DGKB: variants seen among roughly 807,000 people sequenced by gnomAD.
DGKB encodes 90 kDa diacylglycerol kinase.
Under a neutral mutation model 114.3 loss-of-function variants are expected in DGKB, and 67 were observed. The observed-to-expected ratio is 0.59, with a 90% CI of 0.48 to 0.72. DGKB has a LOEUF of 0.72. Among genes scored for constraint, DGKB ranks in the 30% least tolerant of loss-of-function variants. DGKB has a pLI of 0.00. For synonymous variants in DGKB, 398 were observed against 323.1 expected (o/e 1.23, Z -2.49); for missense variants, 907 against 975.2 (o/e 0.93, Z 0.93).
At chr7:14,389,943 G>C (rs1424706002) in intron 21 of DGKB, among the ~76,000 whole-genome samples, 1 of 152,150 alleles carries the variant, frequency 6.6e-6, no homozygotes, top group Non-Finnish European at 1.5e-5. Flanking sequence ...TAAAGTTAAA[G>C]GGTGAGGGCA....
At chr7:14,409,225 C>T (rs537431623) in intron 21 of DGKB, among the ~76,000 whole-genome samples, 48 of 152,132 alleles carry the variant, frequency 3.2e-4, no homozygotes, top group African/African-American at 1.0e-3. Flanking sequence ...CTAATCATCC[C>T]GAGGGAGCAG....
intron 1 of DGKB, among the ~76,000 whole-genome samples, chr7:14,965,889 T>C (rs1396338754): frequency 6.6e-6 from 1 of 152,106 alleles, no homozygotes; most frequent in Admixed American, 6.6e-5. Flanking sequence ...CATTTCCATT[T>C]TGCTCTTTTC....
At chr7:14,314,904 G>C (rs1806176969) in intron 23 of DGKB, among the ~76,000 whole-genome samples, 1 of 151,928 alleles carries the variant, frequency 6.6e-6, no homozygotes, top group Admixed American at 6.6e-5. Context: ...TCCCCTCAAA[G>C]GGAAGCCCAT....
chr7:14,461,717 G>C (rs1833108194), intron 21 of DGKB, among the ~76,000 whole-genome samples: 1 of 151,982 alleles, frequency 6.6e-6, no homozygotes, highest in Middle Eastern at 3.4e-3. Flanking sequence ...ACTATTCCAG[G>C]TGATAGAAAA....
At chr7:14,152,710 T>C (rs1782402916) in intron 25 of DGKB, among the ~76,000 whole-genome samples, 1 of 152,140 alleles carries the variant, frequency 6.6e-6, no homozygotes. Context: ...AGGATGCACA[T>C]ATAGAAACCA....
intron 1 of DGKB, among the ~76,000 whole-genome samples, chr7:14,873,661 A>G (rs1208967899): frequency 1.3e-5 from 2 of 152,042 alleles, no homozygotes; most frequent in South Asian, 2.1e-4. Flanking sequence ...ATATATACAC[A>G]TACATATGTA....
At chr7:14,588,828 A>G (rs865958895) in intron 17 of DGKB, among the ~76,000 whole-genome samples, 2 of 152,070 alleles carry the variant, frequency 1.3e-5, no homozygotes, top group African/African-American at 2.4e-5. Context: ...CAGTAAGTCC[A>G]TATCTCAGGG....
intron 20 of DGKB, among the ~76,000 whole-genome samples, chr7:14,567,609 A>ATATATC (rs1401614191): frequency 8.2e-6 from 1 of 121,384 alleles, no homozygotes; most frequent in African/African-American, 3.2e-5. Context: ...ATATATATAT[A>ATATATC]TATATCTTTT....
chr7:14,297,437 G>A (rs1478038806), intron 23 of DGKB, among the ~76,000 whole-genome samples: 5 of 152,056 alleles, frequency 3.3e-5, no homozygotes, highest in Non-Finnish European at 5.9e-5. Context: ...CACATAAACA[G>A]AACCAATGAC....
chr7:14,178,608 A>G (rs1254715860), intron 23 of DGKB, among the ~76,000 whole-genome samples: 1 of 152,210 alleles, frequency 6.6e-6, no homozygotes, highest in African/African-American at 2.4e-5. Context: ...CTTGGAGATC[A>G]TGGAGTTGGA....
chr7:14,526,850 T>A (rs1035772024), intron 20 of DGKB, among the ~76,000 whole-genome samples: 1 of 152,112 alleles, frequency 6.6e-6, no homozygotes, highest in Admixed American at 6.6e-5. Flanking sequence ...TGTGAGTGTG[T>A]GAACTTAGCA....
At chr7:14,271,573 G>T (rs1584853284) in intron 23 of DGKB, among the ~76,000 whole-genome samples, 1 of 152,156 alleles carries the variant, frequency 6.6e-6, no homozygotes, top group Admixed American at 6.5e-5. Flanking sequence ...CCAAACTTAG[G>T]ATCCCAGGCA....
At chr7:14,946,401 G>A (rs1785881566) in intron 1 of DGKB, among the ~76,000 whole-genome samples, 1 of 151,586 alleles carries the variant, frequency 6.6e-6, no homozygotes, top group African/African-American at 2.4e-5. Flanking sequence ...TTTTTACACT[G>A]TCTTCTTAAT....
At chr7:14,786,575 C>T (rs996564296) in intron 2 of DGKB, among the ~76,000 whole-genome samples, 1 of 152,192 alleles carries the variant, frequency 6.6e-6, no homozygotes, top group Non-Finnish European at 1.5e-5. Flanking sequence ...GGCCAGGAGC[C>T]CTGCACTCCC....
intron 20 of DGKB, among the ~76,000 whole-genome samples, chr7:14,545,679 G>A (rs570785428): frequency 1.3e-5 from 2 of 152,306 alleles, no homozygotes; most frequent in African/African-American, 4.8e-5. Flanking sequence ...TTTAAGAATT[G>A]CTACACTGGG....
chr7:14,700,000 A>G (rs1232097544), intron 7 of DGKB, among the ~76,000 whole-genome samples: 1 of 152,126 alleles, frequency 6.6e-6, no homozygotes, highest in Non-Finnish European at 1.5e-5. Flanking sequence ...ATTAAAAAAG[A>G]AACATTAAAT....
chr7:14,495,759 A>G (rs1040211319), intron 20 of DGKB, among the ~76,000 whole-genome samples: 2 of 151,854 alleles, frequency 1.3e-5, no homozygotes, highest in Non-Finnish European at 2.9e-5. Flanking sequence ...ACAACTATTC[A>G]AAATCCATTC....
At chr7:14,276,808 A>G (rs1799071990) in intron 23 of DGKB, among the ~76,000 whole-genome samples, 1 of 151,966 alleles carries the variant, frequency 6.6e-6, no homozygotes, top group Admixed American at 6.6e-5. Context: ...AGATAAAGGA[A>G]GAAAACATTT....
At chr7:14,388,218 A>T (rs1412218469) in intron 21 of DGKB, among the ~76,000 whole-genome samples, 2 of 151,404 alleles carry the variant, frequency 1.3e-5, no homozygotes, top group Non-Finnish European at 2.9e-5. Context: ...GGAAAAAAAA[A>T]AAAATCTTCT....
Sources: allele counts gnomAD v4.1 joint callset (sites outside exome capture counted in the v4.1 genomes callset), GRCh38; gene constraint gnomAD v4.1.1; transcripts MANE v1.5; gene names NCBI Gene and HGNC (gene_info 2026-07-23, HGNC 2026-07-21).